Variants in INSIG1 observed in about 807,000 individuals in gnomAD.
INSIG1 encodes the protein insulin induced gene 1, also known as insulin-induced gene 1 protein.
Under a neutral mutation model 26.5 loss-of-function variants are expected in INSIG1, and 14 were observed. The observed-to-expected ratio is 0.53, with a 90% CI of 0.35 to 0.83. The LOEUF is 0.83. INSIG1 is among the 40% of genes least tolerant of loss of function. The probability of loss-of-function intolerance (pLI) is 0.01; values close to 1 mark genes in which losing one functional copy is unlikely to be tolerated. For missense variants in INSIG1, 272 were observed against 368.9 expected (o/e 0.74, Z 2.15); for synonymous variants, 147 against 153.3 (o/e 0.96, Z 0.30).
rs184872948 is a variant in INSIG1 at position 155,310,041 on chromosome 7, A to C, written c.*1771A>C. 268 of 152,772 alleles carry C rather than the reference A, an allele frequency of 1.8e-3. 1 individual carries two copies. Among genetic ancestry groups the C allele is most frequent in the Middle Eastern group, 3.4e-3 (1 of 294 alleles). 9.5% of individuals were successfully genotyped at this position (152,772 alleles called of 1,614,324 possible). A position where few individuals can be genotyped will look rare whatever the true frequency, so the allele number is the denominator to read the frequency against. ...ATGTAGCCAAAAGAATGTAAATTTG[A>C]GGATTTTTTTGCCAATAGTTTATAG... On this transcript the variant is annotated 3_prime_UTR_variant, in exon 6 of 6. Coordinates refer to ENST00000340368, the MANE Select transcript of INSIG1 (RefSeq NM_005542.6).
In INSIG1 at chr7:155,302,347, G is replaced by A; in HGVS notation, c.634G>A (p.Gly212Arg). 6.2e-7 allele frequency: 1 copy of A among 1,611,802 alleles called. No homozygotes were observed. The highest frequency in any genetic ancestry group is 8.5e-7 in the Non-Finnish European group (1 of 1,179,030). ...WTFDRSRSGL[G>R]LGITIAFLAT... ...ATTTGATCGTTCCAGAAGTGGCCTT[G>A]GGCTGGGGATCACCATAGCTTTTCT... The change falls in exon 4 of 6, where the codon GGG (glycine) becomes AGG (arginine). Residue 212 changes from glycine to arginine, a missense_variant. Coordinates refer to ENST00000340368, the MANE Select transcript of INSIG1 (RefSeq NM_005542.6). This position sits in a 1 kb window ranked among gnomAD's most constrained non-coding sequence, Gnocchi z 4.3.
At chr7:155,299,035 GC>G (rs1490471478) in intron 2 of INSIG1, among the ~76,000 whole-genome samples, 2 of 152,266 alleles carry the variant, frequency 1.3e-5, no homozygotes, top group African/African-American at 4.8e-5. Flanking sequence ...TCCCGCGCCA[GC>G]CGCCCCGGAT....
In INSIG1 at chr7:155,302,489, G is replaced by T. The variant is rs1797817142; in HGVS notation, c.704+72G>T. 1 of 1,352,284 alleles carries T rather than the reference G, an allele frequency of 7.4e-7. No individual in the cohort carries two copies. The highest frequency in any genetic ancestry group is 1.0e-6 in the Non-Finnish European group (1 of 1,001,620). The allele number at this position is 1,352,284 out of a possible 1,614,324, so 83.8% of individuals were successfully genotyped here. ...TTCATTAAAACATCCACTAAGCTTA[G>T]ATATTTTCATATTTTATTTGTTTTT... On this transcript the variant is annotated intron_variant, in intron 4 of 5. Transcript: ENST00000340368. This position sits in a 1 kb window ranked among gnomAD's most constrained non-coding sequence, Gnocchi z 4.3.
rs147727463 is a variant in INSIG1, at chr7:155,298,791, G to C, written c.412+94G>C. 3,500 of 1,173,070 alleles carry C rather than the reference G, an allele frequency of 3.0e-3. 14 individuals are homozygous for C. The highest frequency in any genetic ancestry group is 3.8e-3 in the Non-Finnish European group (3,188 of 838,852). The allele number at this position is 1,173,070 out of a possible 1,614,324, so 72.7% of individuals were successfully genotyped here. A position where few individuals can be genotyped will look rare whatever the true frequency, so the allele number is the denominator to read the frequency against. On this transcript the variant is annotated intron_variant, in intron 2 of 5. Transcript: ENST00000340368. Reference sequence around the variant, plus strand: ...TATAAGAAACATGCATTTGAAACTGGAACTATCCACAGATTGAAAGTGTGC... The same window carrying C: ...TATAAGAAACATGCATTTGAAACTGCAACTATCCACAGATTGAAAGTGTGC...
In INSIG1 at chr7:155,308,445, G is replaced by T; in HGVS notation, c.*175G>T. On this transcript the variant is annotated 3_prime_UTR_variant, in exon 6 of 6. Transcript: ENST00000340368. ...CTAGAATAGGGAGGTGGAGAATGAT[G>T]ACTTACCCTGAAGTCTTCCCTTGAC... 1 of 769,718 alleles carries T rather than the reference G, an allele frequency of 1.3e-6. No homozygotes were observed. 47.7% of individuals were successfully genotyped at this position (769,718 alleles called of 1,614,324 possible).
chr7:155,304,592 G>A (rs1327198022), intron 5 of INSIG1, among the ~76,000 whole-genome samples: 1 of 152,148 alleles, frequency 6.6e-6, no homozygotes, highest in Non-Finnish European at 1.5e-5. Flanking sequence ...GCATTATTTT[G>A]GTGGAGGTAG....
Position 155,302,946 on chromosome 7 carries a change from T to C in INSIG1, c.804+100T>C, listed in dbSNP as rs1215338396. The stretch of plus-strand genomic sequence containing the variant: ...TCAAATTTGCGTTCATATATTCTGG[T>C]TCAGACTTGAGTGACAACTACTGAG... On this transcript the variant is annotated intron_variant, in intron 5 of 5. Coordinates refer to ENST00000340368, the MANE Select transcript of INSIG1 (RefSeq NM_005542.6). The surrounding 1 kb of genome is among the most constrained non-coding windows in gnomAD (Gnocchi z 4.3). 1.3e-6 allele frequency: 1 copy of C among 779,192 alleles called. No homozygotes were observed. The highest frequency in any genetic ancestry group is 2.0e-5 in the Admixed American group (1 of 50,122). The allele number at this position is 779,192 out of a possible 1,614,324, so 48.3% of individuals were successfully genotyped here. A position where few individuals can be genotyped will look rare whatever the true frequency, so the allele number is the denominator to read the frequency against.
At chr7:155,300,811 C>T (rs1413099162) in intron 2 of INSIG1, among the ~76,000 whole-genome samples, 1 of 152,158 alleles carries the variant, frequency 6.6e-6, no homozygotes, top group African/African-American at 2.4e-5. Context: ...GAGCCACGTC[C>T]CATCAGAGGG....
rs943501614 is a variant in INSIG1 at position 155,310,129 on chromosome 7, C to T, written c.*1859C>T. 6.6e-6 allele frequency: 1 copy of T among 152,628 alleles called. No individual in the cohort carries two copies. The highest frequency in any genetic ancestry group is 1.5e-5 in the Non-Finnish European group (1 of 68,042). 9.5% of individuals were successfully genotyped at this position (152,628 alleles called of 1,614,324 possible). A position where few individuals can be genotyped will look rare whatever the true frequency, so the allele number is the denominator to read the frequency against. On this transcript the variant is annotated 3_prime_UTR_variant, in exon 6 of 6. Coordinates refer to ENST00000340368, the MANE Select transcript of INSIG1 (RefSeq NM_005542.6). The stretch of plus-strand genomic sequence containing the variant: ...TGTAAAATAGTATGAACAAAATTTG[C>T]ACTCTACCAGATTTGAACATCTAGT...
chr7:155,303,925 G>T (rs1350053081), intron 5 of INSIG1: 1 of 1,222,610 alleles, frequency 8.2e-7, no homozygotes, highest in Non-Finnish European at 1.1e-6. Flanking sequence ...ACTGGTTACT[G>T]ACTCTCTGCT....
chr7:155,301,567 T>A lies in INSIG1; in HGVS notation c.414T>A (p.Ala138=). 1 of 1,600,598 alleles carries A rather than the reference T, an allele frequency of 6.2e-7. No individual in the cohort carries two copies. The highest frequency in any genetic ancestry group is 8.5e-7 in the Non-Finnish European group (1 of 1,172,562). The change falls in exon 3 of 6, where the codon GCT becomes GCA. Residue 138 remains alanine, a splice_region_variant and synonymous_variant. Transcript: ENST00000340368. ...ACATTGTCAACTTTTTTAAAACAGC[T>A]GTTGTTGGCCTACTGTACCCCTGTA... ...WVPPCCGTAA[A]VVGLLYPCID...
In INSIG1 at chr7:155,299,235, C is replaced by T. The variant is rs142536718; in HGVS notation, c.412+538C>T. Among the ~76,000 whole-genome samples, 410 of 152,308 alleles carry T rather than the reference C, an allele frequency of 2.7e-3. 3 individuals carry two copies. Among genetic ancestry groups the T allele is most frequent in the African/African-American group, 9.1e-3 (378 of 41,562 alleles). ...TAAACTGTGGTCTGAAGCCAAACCG[C>T]CTACACCCTGAACTGTTAGAGCTCT... On this transcript the variant is annotated intron_variant, in intron 2 of 5. Transcript: ENST00000340368.
rs1416295677 is a variant in INSIG1 at position 155,302,697 on chromosome 7, T to C, written c.705-50T>C. 1.6e-6 allele frequency: 2 copies of C among 1,249,908 alleles called. No homozygotes were observed. Among genetic ancestry groups the C allele is most frequent in the African/African-American group, 3.0e-5 (2 of 67,382 alleles). 77.4% of individuals were successfully genotyped at this position (1,249,908 alleles called of 1,614,324 possible). A position where few individuals can be genotyped will look rare whatever the true frequency, so the allele number is the denominator to read the frequency against. ...CTACAGAGAATCTGTGATGTAGAAT[T>C]GAGCCAGGTGAAATTGACTGCTAAG... On this transcript the variant is annotated intron_variant, in intron 4 of 5. Transcript: ENST00000340368. This position sits in a 1 kb window ranked among gnomAD's most constrained non-coding sequence, Gnocchi z 4.3.
At position 155,308,997 on chromosome 7, in the gene INSIG1, A is replaced by C. The variant is rs1235215876; in HGVS notation, c.*727A>C. 1.3e-5 allele frequency: 2 copies of C among 152,650 alleles called. No individual in the cohort carries two copies. The highest frequency in any genetic ancestry group is 2.9e-5 in the Non-Finnish European group (2 of 68,032). The allele number at this position is 152,650 out of a possible 1,614,324, so 9.5% of individuals were successfully genotyped here. ...TGCGATATATTGGAATTTTCACCTC[A>C]GTTTATGAAGTTTATTTCGAAATCC... On this transcript the variant is annotated 3_prime_UTR_variant, in exon 6 of 6. Coordinates refer to ENST00000340368, the MANE Select transcript of INSIG1 (RefSeq NM_005542.6).
chr7:155,300,700 C>G (rs765107098), intron 2 of INSIG1, among the ~76,000 whole-genome samples: 1 of 152,154 alleles, frequency 6.6e-6, no homozygotes, highest in Non-Finnish European at 1.5e-5. Context: ...ATTCCAAGTT[C>G]GTGTCTATAA....
intron 5 of INSIG1, 39 bp from the exon 6 acceptor site, chr7:155,308,202 A>G: frequency 1.9e-6 from 2 of 1,067,228 alleles, no homozygotes; most frequent in Non-Finnish European, 1.4e-6. Flanking sequence ...ATTTAGTGCT[A>G]ATTTTCTCTT....
chr7:155,301,768 C>T (rs1797791732), intron 3 of INSIG1, 78 bp downstream of exon 3: 4 of 1,304,720 alleles, frequency 3.1e-6, no homozygotes, highest in Non-Finnish European at 4.1e-6. Flanking sequence ...GTTATATACT[C>T]AAATGACTCC....
At position 155,308,262 on chromosome 7, in the gene INSIG1, A is replaced by G; in HGVS notation, c.826A>G (p.Ser276Gly). 1.9e-6 allele frequency: 3 copies of G among 1,608,614 alleles called. No homozygotes were observed. The South Asian group carries it at 3.3e-5, about 18-fold the overall frequency. ...ATAGGGTGTTCCTGAAAAGCCCCAT[A>G]GTGATTGAGTCTTCAAAACCACCGA... ...LAMGVPEKPH[S>G]D Residue 276 changes from serine (S) to glycine (G), a missense_variant, in exon 6 of 6, where the codon AGT becomes GGT. Ser to Gly is a moderately conservative substitution (Grantham distance 56, BLOSUM62 0). Coordinates refer to ENST00000340368, the MANE Select transcript of INSIG1 (RefSeq NM_005542.6).
rs1278374208 is a variant in INSIG1 at position 155,309,317 on chromosome 7, A to T, written c.*1047A>T. Reference sequence around the variant, plus strand: ...TCAAGTGCAATGTATATGAAAACCAATCTGAGCCTTGTATCTCTTAAATAT... The same window carrying T: ...TCAAGTGCAATGTATATGAAAACCATTCTGAGCCTTGTATCTCTTAAATAT... On this transcript the variant is annotated 3_prime_UTR_variant, in exon 6 of 6. Coordinates refer to ENST00000340368, the MANE Select transcript of INSIG1 (RefSeq NM_005542.6). 1 of 152,642 alleles carries T rather than the reference A, an allele frequency of 6.6e-6. No individual in the cohort carries two copies. Among genetic ancestry groups the T allele is most frequent in the Non-Finnish European group, 1.5e-5 (1 of 68,036 alleles). 9.5% of individuals were successfully genotyped at this position (152,642 alleles called of 1,614,324 possible).
Sources: allele counts gnomAD v4.1 joint callset (sites outside exome capture counted in the v4.1 genomes callset), GRCh38; gene constraint gnomAD v4.1.1; non-coding constraint Gnocchi (gnomAD v3.1); transcripts MANE v1.5; gene names NCBI Gene and HGNC (gene_info 2026-07-23, HGNC 2026-07-21).